The following TOP3B variants were observed in gnomAD, a reference collection of about 807,000 sequenced individuals.
TOP3B encodes the protein DNA topoisomerase III beta.
Under a neutral mutation model 93.9 loss-of-function variants are expected in TOP3B, and 45 were observed. The observed-to-expected ratio is 0.48, with a 90% CI of 0.38 to 0.61. The LOEUF is 0.61. TOP3B is among the 20% of genes least tolerant of loss of function. TOP3B has a pLI of 0.00. For synonymous variants in TOP3B, 357 were observed against 472.6 expected (o/e 0.76, Z 3.17); for missense variants, 750 against 1,156.1 (o/e 0.65, Z 5.09).
chr22:21,962,381 G>C (rs368088675), intron 13 of TOP3B, 48 bp downstream of exon 13: 1 of 1,610,454 alleles, frequency 6.2e-7, no homozygotes, highest in Non-Finnish European at 8.5e-7. Context: ...CTCGAAGCCT[G>C]AGTACTGGAG....
intron 1 of TOP3B, among the ~76,000 whole-genome samples, chr22:21,979,031 G>A (rs2084557309): frequency 6.6e-6 from 1 of 152,164 alleles, no homozygotes; most frequent in Non-Finnish European, 1.5e-5. Context: ...ACTTCTCTTG[G>A]TGGAGGAGGA....
At chr22:21,964,073 G>A in intron 10 of TOP3B, 45 bp from the exon 11 acceptor site, 1 of 1,601,872 alleles carries the variant, frequency 6.2e-7, no homozygotes. Context: ...GGGCTCGGCT[G>A]CCTGCCTGGG....
chr22:21,958,745 G>T, intron 16 of TOP3B, 52 bp from the exon 17 acceptor site: 1 of 1,530,780 alleles, frequency 6.5e-7, no homozygotes. Context: ...CACCGACTTG[G>T]CACCCACCCC....
intron 6 of TOP3B, 25 bp from the exon 7 acceptor site, chr22:21,968,800 G>A (rs2071516299): frequency 6.2e-7 from 1 of 1,613,478 alleles, no homozygotes; most frequent in Non-Finnish European, 8.5e-7. Context: ...AAGATATTTT[G>A]GTCACTGATT....
chr22:21,969,105 T>TACA, intron 6 of TOP3B: 1 of 219,340 alleles, frequency 4.6e-6, no homozygotes, highest in African/African-American at 2.3e-5. Context: ...ATATGTGATC[T>TACA]CTGTCAGCTA....
chr22:21,963,825 A>G lies in TOP3B; in HGVS notation c.1204+98T>C. The G allele has an allele frequency of 7.7e-7, 1 of 1,292,528 alleles. No homozygotes were observed. Among genetic ancestry groups the G allele is most frequent in the South Asian group, 1.3e-5 (1 of 78,520 alleles). 80.1% of individuals were successfully genotyped at this position (1,292,528 alleles called of 1,614,324 possible). On this transcript the variant is annotated intron_variant, in intron 11 of 17. Coordinates refer to ENST00000357179, the MANE Select transcript of TOP3B (RefSeq NM_001282112.2). This position sits in a 1 kb window ranked among gnomAD's most constrained non-coding sequence, Gnocchi z 4.8. The stretch of plus-strand genomic sequence containing the variant: ...CCACAGCCAGGGCAGGCAGAGGCTG[A>G]AGGAGCCCCCACATTGCCAACAGGG...
intron 8 of TOP3B, chr22:21,966,675 T>C (rs1218861228): frequency 6.6e-6 from 1 of 152,268 alleles, no homozygotes; most frequent in Non-Finnish European, 1.5e-5. Flanking sequence ...AACTCTTTGT[T>C]TTGCCTATGG....
intron 2 of TOP3B, 62 bp from the exon 3 acceptor site, chr22:21,974,550 C>A: frequency 6.6e-7 from 1 of 1,505,058 alleles, no homozygotes; most frequent in Non-Finnish European, 9.0e-7. Context: ...CCTGTGGAGA[C>A]CCCAGCCCGG....
chr22:21,971,078 C>T lies in TOP3B; in HGVS notation c.385-672G>A, dbSNP rs1269193325. On this transcript the variant is annotated intron_variant, in intron 5 of 17. Transcript: ENST00000357179. The surrounding 1 kb of genome is among the most constrained non-coding windows in gnomAD (Gnocchi z 4.6). ...GCTTCATTTCTGAAGGGAGAAAGCC[C>T]CATGAGCTGCCCCCATTCTCCATTC... is the stretch of plus-strand genomic sequence containing the variant. 12 of 1,301,386 alleles carry T rather than the reference C, an allele frequency of 9.2e-6. No individual in the cohort carries two copies. The highest frequency in any genetic ancestry group is 1.2e-5 in the Non-Finnish European group (12 of 986,990). 80.6% of individuals were successfully genotyped at this position (1,301,386 alleles called of 1,614,324 possible).
chr22:21,970,967 A>C lies in TOP3B; in HGVS notation c.385-561T>G. ...GGCTAAAGCACAGCAGGGGTCCTGG[A>C]GCCGAGACTCACTAGGAAGGCCGTG... On this transcript the variant is annotated intron_variant, in intron 5 of 17. Coordinates refer to ENST00000357179, the MANE Select transcript of TOP3B (RefSeq NM_001282112.2). This position sits in a 1 kb window ranked among gnomAD's most constrained non-coding sequence, Gnocchi z 4.4. The C allele has an allele frequency of 8.1e-7, 1 of 1,234,214 alleles. No individual in the cohort carries two copies. Among genetic ancestry groups the C allele is most frequent in the African/African-American group, 1.6e-5 (1 of 64,434 alleles). The allele number at this position is 1,234,214 out of a possible 1,614,324, so 76.5% of individuals were successfully genotyped here.
At chr22:21,960,981 A>T (rs77086209) in intron 13 of TOP3B, 4,304 of 155,560 alleles carry the variant, frequency 0.028, 97 homozygotes, top group Admixed American at 0.048. Context: ...CCAGGATTCC[A>T]CTCTCCCACC....
At position 21,970,990 on chromosome 22, in the gene TOP3B, G is replaced by A. The variant is rs571574088; in HGVS notation, c.385-584C>T. 384 of 1,281,294 alleles carry A rather than the reference G, an allele frequency of 3.0e-4. 1 individual carries two copies. The highest frequency in any genetic ancestry group is 4.8e-4 in the Admixed American group (20 of 41,688). 79.4% of individuals were successfully genotyped at this position (1,281,294 alleles called of 1,614,324 possible). The stretch of plus-strand genomic sequence containing the variant: ...GGAGCCGAGACTCACTAGGAAGGCC[G>A]TGCAGTGGGACTAGGGTCGCCGCCG... On this transcript the variant is annotated intron_variant, in intron 5 of 17. Coordinates refer to ENST00000357179, the MANE Select transcript of TOP3B (RefSeq NM_001282112.2). This position sits in a 1 kb window ranked among gnomAD's most constrained non-coding sequence, Gnocchi z 4.4.
chr22:21,962,559 C>T lies in TOP3B; in HGVS notation c.1395G>A (p.Glu465=), dbSNP rs745942073. 19 of 1,613,466 alleles carry T rather than the reference C, an allele frequency of 1.2e-5. No homozygotes were observed. Among genetic ancestry groups the T allele is most frequent in the Non-Finnish European group, 1.4e-5 (17 of 1,180,036 alleles). ...CACCCCGCTGGCAAGTGGGCAGGCT[C>T]TCCTCCAGGGGCACGCTCTGCCAGG... is the stretch of plus-strand genomic sequence containing the variant. ...VMPWQSVPLE[E]SLPTCQRGDA... Residue 465 remains glutamate (E), a synonymous_variant, in exon 13 of 18, where the codon GAG becomes GAA. Transcript: ENST00000357179.
chr22:21,979,675 C>T (rs1443709619), intron 1 of TOP3B, among the ~76,000 whole-genome samples: 1 of 150,918 alleles, frequency 6.6e-6, no homozygotes, highest in Non-Finnish European at 1.5e-5. Flanking sequence ...GGCGCGGTGG[C>T]TCACGCCTGT....
intron 10 of TOP3B, 51 bp downstream of exon 10, chr22:21,964,110 C>G: frequency 6.2e-7 from 1 of 1,611,532 alleles, no homozygotes; most frequent in Non-Finnish European, 8.5e-7. Context: ...GACCTGGTCC[C>G]AAGGCCTCAG....
chr22:21,968,804 A>G, intron 6 of TOP3B, 29 bp from the exon 7 acceptor site: 1 of 1,613,388 alleles, frequency 6.2e-7, no homozygotes, highest in Non-Finnish European at 8.5e-7. Context: ...TATTTTGGTC[A>G]CTGATTCACT....
chr22:21,959,608 A>G lies in TOP3B; in HGVS notation c.1783T>C (p.Tyr595His). The G allele has an allele frequency of 6.2e-7, 1 of 1,612,906 alleles. No individual in the cohort carries two copies. Among genetic ancestry groups the G allele is most frequent in the South Asian group, 1.1e-5 (1 of 90,964 alleles). The change falls in exon 15 of 18, where the codon TAC becomes CAC. Residue 595 changes from tyrosine to histidine, a missense_variant. Tyr to His is a moderately conservative substitution (Grantham distance 83, BLOSUM62 2). This residue lies in a region of TOP3B where 737 missense variants were observed against 933.7 expected (regional missense o/e 0.79). Coordinates refer to ENST00000357179, the MANE Select transcript of TOP3B (RefSeq NM_001282112.2). ...CTACCAGCAATGGAGTCGACAAAGT[A>G]GTGGAACTTCCTCTTGAACACGTCC... is the stretch of plus-strand genomic sequence containing the variant. ...TLDVFKRKFH[Y>H]FVDSIAGMDE...
At chr22:21,975,879 T>C in intron 1 of TOP3B, 72 bp from the exon 2 acceptor site, 1 of 1,083,234 alleles carries the variant, frequency 9.2e-7, no homozygotes, top group Non-Finnish European at 1.2e-6. Context: ...GGAAAATCAC[T>C]TTAACAAAGA....
intron 16 of TOP3B, 156 bp from the exon 17 acceptor site, chr22:21,958,849 G>A (rs142637547): frequency 2.1e-5 from 27 of 1,299,102 alleles, no homozygotes; most frequent in Admixed American, 1.1e-4. Context: ...CTTGCTCCAC[G>A]CGTGCAGAAA....
Sources: allele counts gnomAD v4.1 joint callset (sites outside exome capture counted in the v4.1 genomes callset), GRCh38; gene constraint gnomAD v4.1.1; regional missense constraint gnomAD v4.1.1; non-coding constraint Gnocchi (gnomAD v3.1); transcripts MANE v1.5; gene names NCBI Gene and HGNC (gene_info 2026-07-23, HGNC 2026-07-21).